The following TENM3 variants were observed in gnomAD, a reference collection of about 807,000 sequenced individuals.
TENM3 encodes the protein teneurin transmembrane protein 3, also known as teneurin-3.
Under a neutral mutation model 255.1 loss-of-function variants are expected in TENM3, and 63 were observed. That is an observed-to-expected ratio of 0.25 (90% CI 0.20 to 0.30). The LOEUF (loss-of-function observed/expected upper bound fraction) is 0.30. Ranked by LOEUF, TENM3 falls within the 10% of genes least tolerant of loss-of-function variation. TENM3 has a pLI of 1.00. For synonymous variants in TENM3, 1,306 were observed against 1,322.3 expected, an observed-to-expected ratio of 0.99 and a Z score of 0.27; for missense variants, 2,929 against 3,461.1, an observed-to-expected ratio of 0.85 and a Z score of 3.86.
chr4:181,590,918 C>T, the TENM3 span, among the ~76,000 whole-genome samples: 1 of 152,138 alleles, frequency 6.6e-6, no homozygotes, highest in Non-Finnish European at 1.5e-5. Context: ...GATAGGAATA[C>T]ACTATTGTTA....
At chr4:182,725,244 A>G (rs567900749) in intron 13 of TENM3, among the ~76,000 whole-genome samples, 9 of 152,048 alleles carry the variant, frequency 5.9e-5, no homozygotes, top group Non-Finnish European at 1.2e-4. Context: ...TCGCTGTGTT[A>G]CCCAGGCCTG....
the TENM3 span, among the ~76,000 whole-genome samples, chr4:181,801,654 ATATATAT>A: frequency 7.3e-5 from 1 of 13,742 alleles, no homozygotes; most frequent in African/African-American, 2.8e-4. Context: ...ATTGTAAAAT[ATATATAT>A]ATATATATAT....
the TENM3 span, among the ~76,000 whole-genome samples, chr4:181,950,676 C>T: frequency 6.6e-6 from 1 of 152,122 alleles, no homozygotes; most frequent in South Asian, 2.1e-4. Flanking sequence ...TATTCATGCA[C>T]TGTTACTAAC....
intron 1 of TENM3, among the ~76,000 whole-genome samples, chr4:182,232,287 C>T (rs182153632): frequency 7.2e-5 from 11 of 152,120 alleles, no homozygotes; most frequent in East Asian, 5.8e-4. Flanking sequence ...TCATTTCAGC[C>T]GAGGAAAGAT....
intron 3 of TENM3, among the ~76,000 whole-genome samples, chr4:182,407,251 T>C (rs1054518857): frequency 5.3e-5 from 8 of 152,216 alleles, no homozygotes; most frequent in Admixed American, 2.6e-4. Context: ...TTGGTTATCA[T>C]TTTGGAAAAC....
chr4:182,609,058 A>G (rs1748724297), intron 4 of TENM3, among the ~76,000 whole-genome samples: 1 of 151,996 alleles, frequency 6.6e-6, no homozygotes, highest in Non-Finnish European at 1.5e-5. Context: ...CTCAGTGGCA[A>G]CTCTTGGGGA....
chr4:181,871,056 A>G, the TENM3 span, among the ~76,000 whole-genome samples: 1 of 152,086 alleles, frequency 6.6e-6, no homozygotes, highest in African/African-American at 2.4e-5. Context: ...TTTGAATTTT[A>G]GTGAACGTTG....
the TENM3 span, among the ~76,000 whole-genome samples, chr4:182,109,602 A>G: frequency 6.6e-6 from 1 of 152,216 alleles, no homozygotes; most frequent in Non-Finnish European, 1.5e-5. Context: ...AGATATGTCT[A>G]TAGTAAAGTA....
At chr4:182,054,937 C>T in the TENM3 span, among the ~76,000 whole-genome samples, 1 of 152,126 alleles carries the variant, frequency 6.6e-6, no homozygotes, top group Non-Finnish European at 1.5e-5. Flanking sequence ...CATTCCAGAA[C>T]CAGAGCTCGG....
At chr4:182,075,050 G>A in the TENM3 span, among the ~76,000 whole-genome samples, 1 of 152,112 alleles carries the variant, frequency 6.6e-6, no homozygotes, top group African/African-American at 2.4e-5. Flanking sequence ...GCCTGATGGG[G>A]CCAACTCCAC....
At chr4:182,425,938 G>A (rs1771174949) in intron 3 of TENM3, among the ~76,000 whole-genome samples, 1 of 148,896 alleles carries the variant, frequency 6.7e-6, no homozygotes, top group African/African-American at 2.5e-5. Context: ...AACCCGGGAA[G>A]TGGAGGTTGC....
the TENM3 span, among the ~76,000 whole-genome samples, chr4:181,534,633 G>A: frequency 1.3e-5 from 2 of 152,120 alleles, no homozygotes; most frequent in East Asian, 1.9e-4. Context: ...CCCAGAGAAG[G>A]AAAGATTTCT....
chr4:181,875,837 G>A, the TENM3 span, among the ~76,000 whole-genome samples: 11,860 of 151,994 alleles, frequency 0.078, 704 homozygotes, highest in East Asian at 0.32. Context: ...TCATTACCTG[G>A]CCTTATGAAA....
At chr4:181,683,872 C>G in the TENM3 span, among the ~76,000 whole-genome samples, 1 of 152,104 alleles carries the variant, frequency 6.6e-6, no homozygotes, top group Non-Finnish European at 1.5e-5. Context: ...GAGCAGCCTT[C>G]GAGCACACAG....
At chr4:181,856,357 G>A in the TENM3 span, among the ~76,000 whole-genome samples, 7 of 152,116 alleles carry the variant, frequency 4.6e-5, no homozygotes, top group East Asian at 5.8e-4. Flanking sequence ...TATTCCCCCC[G>A]GCTTCATCTG....
At chr4:182,407,844 C>G (rs1296844441) in intron 3 of TENM3, among the ~76,000 whole-genome samples, 4 of 152,166 alleles carry the variant, frequency 2.6e-5, no homozygotes, top group Non-Finnish European at 5.9e-5. Flanking sequence ...TCTTCATTAC[C>G]AAATCTTCCT....
At chr4:181,737,123 G>A in the TENM3 span, among the ~76,000 whole-genome samples, 1 of 152,066 alleles carries the variant, frequency 6.6e-6, no homozygotes, top group Non-Finnish European at 1.5e-5. Flanking sequence ...CTCTTCCATG[G>A]AACACCATGG....
chr4:182,157,013 C>T (rs896505706), intron 1 of TENM3, among the ~76,000 whole-genome samples: 4 of 152,122 alleles, frequency 2.6e-5, no homozygotes, highest in Admixed American at 1.3e-4. Flanking sequence ...TTGGTCAGAT[C>T]GTATGTAAAT....
chr4:182,282,487 G>C (rs776505957), intron 1 of TENM3, among the ~76,000 whole-genome samples: 2 of 152,062 alleles, frequency 1.3e-5, no homozygotes. Flanking sequence ...TATGACAATC[G>C]AAAGTGGCTG....
Sources: gnomAD v4.1 joint callset for allele counts (sites outside exome capture counted in the v4.1 genomes callset) on GRCh38, gnomAD v4.1.1 for gene constraint, MANE v1.5 for transcripts, NCBI Gene and HGNC (gene_info 2026-07-23, HGNC 2026-07-21) for gene names.